IL2RB: variants seen among roughly 807,000 people sequenced by gnomAD.
IL2RB encodes the protein interleukin 2 receptor subunit beta, also known as interleukin-2 receptor subunit beta.
In IL2RB, 17 loss-of-function variants were observed where a neutral mutation model predicts 44.2. The observed-to-expected ratio is 0.38, with a 90% CI of 0.26 to 0.58. The LOEUF is 0.58. Ranked by LOEUF, IL2RB falls within the 20% of genes least tolerant of loss-of-function variation. IL2RB has a pLI of 0.63. For missense variants in IL2RB, 624 were observed against 685.5 expected (o/e 0.91, Z 1.00); for synonymous variants, 286 against 297.9 (o/e 0.96, Z 0.41).
intron 8 of IL2RB, among the ~76,000 whole-genome samples, chr22:37,135,091 T>C (rs1164489691): frequency 1.3e-5 from 2 of 152,048 alleles, no homozygotes; most frequent in Non-Finnish European, 2.9e-5. Context: ...CCTGTGGGGA[T>C]GCGACACAGG....
chr22:37,160,787 T>C (rs1325885234), intron 1 of IL2RB, among the ~76,000 whole-genome samples: 1 of 148,700 alleles, frequency 6.7e-6, no homozygotes, highest in Admixed American at 6.7e-5. Context: ...GAAGCAGAGG[T>C]TGCAGTGAGA....
rs1037730914 is a variant in IL2RB, at chr22:37,128,131, C to G, written c.1621G>C (p.Glu541Gln). The change falls in exon 10 of 10, where the codon GAA becomes CAA. Residue 541 changes from glutamate (E) to glutamine (Q), a missense_variant. Coordinates refer to ENST00000216223, the MANE Select transcript of IL2RB (RefSeq NM_000878.5). The surrounding 1 kb of genome is among the most constrained non-coding windows in gnomAD (Gnocchi z 4.5). ...TGAGTTGGGTCCTGACCCTGGAGTTCTTGGAGGGACAAGTAGGCATCAGTG... is the reference window on the plus strand; with the variant it reads ...TGAGTTGGGTCCTGACCCTGGAGTTGTTGGAGGGACAAGTAGGCATCAGTG... ...LNTDAYLSLQ[E>Q]LQGQDPTHLV 1.3e-6 allele frequency: 2 copies of G among 1,578,830 alleles called. No individual in the cohort carries two copies. The highest frequency in any genetic ancestry group is 1.7e-6 in the Non-Finnish European group (2 of 1,166,448).
rs553230663 is a variant in IL2RB at position 37,144,235 on chromosome 22, C to A, written c.-33-30G>T. On this transcript the variant is annotated intron_variant, in intron 1 of 9. Transcript: ENST00000216223. Reference sequence around the variant, plus strand: ...TGGGAGAGGAGAAAGAGAGAGCACACGTAAATACACATCCCAGGCCTCGCT... The same window carrying A: ...TGGGAGAGGAGAAAGAGAGAGCACAAGTAAATACACATCCCAGGCCTCGCT... 4.6e-6 allele frequency: 7 copies of A among 1,518,076 alleles called. No homozygotes were observed. The African/African-American group carries it at 5.5e-5, about 12-fold the overall frequency. 94.0% of individuals were successfully genotyped at this position (1,518,076 alleles called of 1,614,324 possible).
chr22:37,173,512 G>A (rs1923355447), intron 1 of IL2RB, among the ~76,000 whole-genome samples: 1 of 152,190 alleles, frequency 6.6e-6, no homozygotes, highest in African/African-American at 2.4e-5. Flanking sequence ...ATAAATATAA[G>A]AAAGTGTCTA....
rs528616335 is a variant in IL2RB at position 37,148,759 on chromosome 22, C to T, written c.-34+1066G>A. Among the ~76,000 whole-genome samples the T allele has an allele frequency of 2.0e-5, 3 of 152,202 alleles. No individual in the cohort carries two copies. In the East Asian group the frequency reaches 5.8e-4, roughly 29 times the overall value. On this transcript the variant is annotated intron_variant, in intron 1 of 9. Coordinates refer to ENST00000216223, the MANE Select transcript of IL2RB (RefSeq NM_000878.5). ...TGAGGAGACTAAGAAACGGGTCAAC[C>T]TCTCACCCAGGCGAGAAGGGCATAG...
At chr22:37,146,044 C>T (rs1352530696) in intron 1 of IL2RB, among the ~76,000 whole-genome samples, 1 of 152,198 alleles carries the variant, frequency 6.6e-6, no homozygotes, top group African/African-American at 2.4e-5. Flanking sequence ...CAGCTCATCC[C>T]CAGCTCTTCT....
At position 37,156,799 on chromosome 22, in the gene IL2RB, C is replaced by T. The variant is rs149420664; in HGVS notation, c.-33-12594G>A. 3.3e-5 allele frequency among the ~76,000 whole-genome samples: 5 copies of T among 152,352 alleles called. No individual in the cohort carries two copies. In the East Asian group the frequency reaches 9.6e-4, roughly 29 times the overall value. ...GGGGTGCCATTCACTGTCTCTGCCA[C>T]CGCCTGTCCTCTGCCATTGTGAAGA... On this transcript the variant is annotated intron_variant, in intron 1 of 5. Transcript: ENST00000429622.
In IL2RB at chr22:37,144,029, G is replaced by C. The variant is rs80256153; in HGVS notation, c.88+56C>G. 3.2e-3 allele frequency: 4,889 copies of C among 1,550,460 alleles called. 144 individuals are homozygous for C. The African/African-American group carries it at 0.06, about 19-fold the overall frequency. ...CCTTCTGGGAAGAGGCTTTAGCAGG[G>C]CCTTAGCCATCTCTCCATAGGGAAA... is the stretch of plus-strand genomic sequence containing the variant. On this transcript the variant is annotated intron_variant, in intron 2 of 9. Coordinates refer to ENST00000216223, the MANE Select transcript of IL2RB (RefSeq NM_000878.5).
At chr22:37,140,796 C>G (rs370611270) in intron 4 of IL2RB, among the ~76,000 whole-genome samples, 1 of 152,146 alleles carries the variant, frequency 6.6e-6, no homozygotes, top group African/African-American at 2.4e-5. Flanking sequence ...AAGAGGCAGC[C>G]TAATGCAACG....
At chr22:37,149,030 G>A (rs140962751) in intron 1 of IL2RB, among the ~76,000 whole-genome samples, 9 of 152,230 alleles carry the variant, frequency 5.9e-5, no homozygotes, top group Admixed American at 2.0e-4. Flanking sequence ...AGCTGGGTGC[G>A]GGACCCTGGC....
intron 1 of IL2RB, among the ~76,000 whole-genome samples, chr22:37,165,494 C>A (rs1377722031): frequency 1.3e-5 from 2 of 152,102 alleles, no homozygotes; most frequent in Non-Finnish European, 2.9e-5. Flanking sequence ...GGAGTTATAG[C>A]AGCCACAAAA....
At chr22:37,169,316 G>A (rs1415742039) in intron 1 of IL2RB, among the ~76,000 whole-genome samples, 5 of 146,520 alleles carry the variant, frequency 3.4e-5, no homozygotes, top group East Asian at 2.0e-4. Context: ...TTGTTTACAC[G>A]TTTACAGAGG....
In IL2RB at chr22:37,128,029, T is replaced by C; in HGVS notation, c.*67A>G. On this transcript the variant is annotated 3_prime_UTR_variant, in exon 10 of 10. Transcript: ENST00000216223. The surrounding 1 kb of genome is among the most constrained non-coding windows in gnomAD (Gnocchi z 4.5). Reference sequence around the variant, plus strand: ...GTCCTCAGCAGTGGACTGAGGACCCTCAACAGGGTCCTTCTGAGGCTCGGC... The same window carrying C: ...GTCCTCAGCAGTGGACTGAGGACCCCCAACAGGGTCCTTCTGAGGCTCGGC... 1 of 1,362,224 alleles carries C rather than the reference T, an allele frequency of 7.3e-7. No individual in the cohort carries two copies. Among genetic ancestry groups the C allele is most frequent in the Non-Finnish European group, 9.6e-7 (1 of 1,038,814 alleles). 84.4% of individuals were successfully genotyped at this position (1,362,224 alleles called of 1,614,324 possible).
chr22:37,171,790 G>A lies in IL2RB; in HGVS notation c.-34+3168C>T, dbSNP rs528960045. Reference sequence around the variant, plus strand: ...ATTTATGGGATTTATAGATGCAGTTGTACAGAATAGAAAGCTGCTCACAAT... The same window carrying A: ...ATTTATGGGATTTATAGATGCAGTTATACAGAATAGAAAGCTGCTCACAAT... On this transcript the variant is annotated intron_variant, in intron 1 of 5. Coordinates refer to the IL2RB transcript ENST00000429622. Among the ~76,000 whole-genome samples, 4 of 152,280 alleles carry A rather than the reference G, an allele frequency of 2.6e-5. No individual in the cohort carries two copies. The East Asian group carries it at 7.7e-4, about 29-fold the overall frequency.
chr22:37,167,409 G>A (rs577614431), intron 1 of IL2RB, among the ~76,000 whole-genome samples: 1 of 152,252 alleles, frequency 6.6e-6, no homozygotes, highest in African/African-American at 2.4e-5. Context: ...GACTGCCCTT[G>A]TAAAGTGAAA....
chr22:37,157,434 G>A (rs961085965), intron 1 of IL2RB, among the ~76,000 whole-genome samples: 7 of 152,162 alleles, frequency 4.6e-5, no homozygotes, highest in Non-Finnish European at 7.3e-5. Context: ...CTGTTCATCC[G>A]GGAGCTGCCT....
Position 37,141,927 on chromosome 22 carries a change from C to T in IL2RB, c.282+507G>A, listed in dbSNP as rs984683390. On this transcript the variant is annotated intron_variant, in intron 4 of 9. Coordinates refer to ENST00000216223, the MANE Select transcript of IL2RB (RefSeq NM_000878.5). This position sits in a 1 kb window ranked among gnomAD's most constrained non-coding sequence, Gnocchi z 4.4. ...AACAAGGCCCTTGTTGGGCCTTGACCCAACAAGGTAGGTGCCATTATTATG... is the reference window on the plus strand; with the variant it reads ...AACAAGGCCCTTGTTGGGCCTTGACTCAACAAGGTAGGTGCCATTATTATG... 6.6e-6 allele frequency among the ~76,000 whole-genome samples: 1 copy of T among 152,162 alleles called. No individual in the cohort carries two copies. The highest frequency in any genetic ancestry group is 1.5e-5 in the Non-Finnish European group (1 of 68,020).
chr22:37,174,125 T>C (rs1331519579), intron 1 of IL2RB, among the ~76,000 whole-genome samples: 1 of 152,186 alleles, frequency 6.6e-6, no homozygotes, highest in Non-Finnish European at 1.5e-5. Context: ...GGTATGGTTA[T>C]GTGACCAGCT....
At chr22:37,147,447 G>C (rs922185565) in intron 1 of IL2RB, among the ~76,000 whole-genome samples, 63 of 152,316 alleles carry the variant, frequency 4.1e-4, no homozygotes, top group Middle Eastern at 3.4e-3. Flanking sequence ...AATAATACTC[G>C]TTCTGTGTAC....
Sources: allele counts gnomAD v4.1 joint callset (sites outside exome capture counted in the v4.1 genomes callset), GRCh38; gene constraint gnomAD v4.1.1; non-coding constraint Gnocchi (gnomAD v3.1); transcripts MANE v1.5; gene names NCBI Gene and HGNC (gene_info 2026-07-23, HGNC 2026-07-21).